Variants in CRAT observed in about 807,000 individuals in gnomAD.
The protein encoded by CRAT is carnitine acetylase.
A neutral mutation model predicts 73.7 loss-of-function variants in CRAT; 66 were observed. The observed-to-expected ratio is 0.90, with a 90% CI of 0.73 to 1.10. The LOEUF (loss-of-function observed/expected upper bound fraction) is 1.10. Among genes scored for constraint, CRAT ranks in the 50% least tolerant of loss-of-function variants. CRAT has a pLI of 0.00. For missense variants in CRAT, 745 were observed against 846.9 expected (o/e 0.88, Z 1.49); for synonymous variants, 321 against 343.2 (o/e 0.94, Z 0.71).
Position 129,099,956 on chromosome 9 carries a change from G to A in CRAT, c.995C>T (p.Ala332Val), listed in dbSNP as rs1439483761. Residue 332 changes from alanine (A) to valine (V), a missense_variant, in exon 8 of 14, where the codon GCA (alanine) becomes GTA (valine). Transcript: ENST00000318080. ...WFDKTLQFIV[A>V]EDGSCGLVYE... is the part of the protein sequence containing the mutation. ...CACAAGCCCACAGGAGCCATCTTCT[G>A]CCACGATGAACTGTGGAAGGGAAGG... 5 of 1,613,106 alleles carry A rather than the reference G, an allele frequency of 3.1e-6. No individual in the cohort carries two copies. The Admixed American group carries it at 5.0e-5, about 16-fold the overall frequency.
chr9:129,100,149 C>A (rs1025972857), intron 7 of CRAT, 183 bp from the exon 8 acceptor site: 11 of 591,012 alleles, frequency 1.9e-5, no homozygotes, highest in Non-Finnish European at 6.0e-6. Context: ...GCACATCCCA[C>A]GCTCAGCGTG....
chr9:129,100,656 T>C lies in CRAT; in HGVS notation c.839A>G (p.Gln280Arg), dbSNP rs529148554. 6.2e-7 allele frequency: 1 copy of C among 1,613,972 alleles called. No homozygotes were observed. Among genetic ancestry groups the C allele is most frequent in the East Asian group, 2.2e-5 (1 of 44,880 alleles). The change falls in exon 7 of 14, where the codon CAG becomes CGG. Residue 280 changes from glutamine to arginine, a missense_variant. Gln to Arg is a conservative substitution (Grantham distance 43). Transcript: ENST00000318080. Reference sequence around the variant, plus strand: ...TAGGCACACGGTGAAGATGCTCTTCTGGATGGAGCGCACGGAATCCCGGTT... The same window carrying C: ...TAGGCACACGGTGAAGATGCTCTTCCGGATGGAGCGCACGGAATCCCGGTT... Reference protein sequence around the residue: ...KVNRDSVRSIQKSIFTVCLDA... With the variant: ...KVNRDSVRSIRKSIFTVCLDA...
rs1309848378 is a variant in CRAT, at chr9:129,100,622, G to C, written c.873C>G (p.Thr291=). The change falls in exon 7 of 14, where the codon ACC becomes ACG. Residue 291 remains threonine, a synonymous_variant. Coordinates refer to ENST00000318080, the MANE Select transcript of CRAT (RefSeq NM_000755.5). ...KSIFTVCLDA[T]MPRVSEDVYR... is the part of the protein sequence containing the mutation. ...ACACGTCTTCTGAGACCCTGGGCAT[G>C]GTTGCATCTAGGCACACGGTGAAGA... is the stretch of plus-strand genomic sequence containing the variant. The C allele has an allele frequency of 6.2e-7, 1 of 1,614,092 alleles. No individual in the cohort carries two copies. The highest frequency in any genetic ancestry group is 8.5e-7 in the Non-Finnish European group (1 of 1,179,992).
At position 129,095,403 on chromosome 9, in the gene CRAT, C is replaced by G. The variant is rs748123046; in HGVS notation, c.1875G>C (p.Lys625Asn). The part of the protein sequence containing the change: ...RALLQSHPRA[K>N]L ...AGGCCTGAGTCCTAGGGGCTCAGAG[C>G]TTGGCCCGGGGGTGGCTCTGCAGCA... Residue 625 changes from lysine (K) to asparagine (N), a missense_variant, in exon 14 of 14, where the codon AAG becomes AAC. Transcript: ENST00000318080. 2 of 1,610,520 alleles carry G rather than the reference C, an allele frequency of 1.2e-6. No homozygotes were observed. The highest frequency in any genetic ancestry group is 1.7e-5 in the Admixed American group (1 of 59,990).
chr9:129,108,195 G>A, intron 1 of CRAT, 118 bp from the exon 2 acceptor site: 1 of 1,338,604 alleles, frequency 7.5e-7, no homozygotes. Context: ...GGCCTCTTGG[G>A]TGGGGCTGGC....
chr9:129,101,827 C>T, intron 6 of CRAT, 56 bp downstream of exon 6: 1 of 1,581,186 alleles, frequency 6.3e-7, no homozygotes. Context: ...TGAGGCTGGT[C>T]CCCAACAGGG....
In CRAT at chr9:129,098,273, A is replaced by G; in HGVS notation, c.1304T>C (p.Met435Thr). The G allele has an allele frequency of 1.2e-6, 2 of 1,613,978 alleles. No individual in the cohort carries two copies. The highest frequency in any genetic ancestry group is 1.7e-6 in the Non-Finnish European group (2 of 1,180,024). Residue 435 changes from methionine (M) to threonine (T), a missense_variant, in exon 10 of 14, where the codon ATG (methionine) becomes ACG (threonine). By Grantham distance (81) the Met-to-Thr change is moderately conservative (BLOSUM62 -1). Coordinates refer to ENST00000318080, the MANE Select transcript of CRAT (RefSeq NM_000755.5). ...CCTGTAGTAGGCCAGCTGCAAAGCC[A>G]TCTGGATGAAGGCATCTGGGCTTAG... The part of the protein sequence containing the change: ...EKLSPDAFIQ[M>T]ALQLAYYRIY...
rs368543684 is a variant in CRAT at position 129,107,987 on chromosome 9, C to T, written c.118G>A (p.Val40Met). Residue 40 changes from valine (V) to methionine (M), a missense_variant, in exon 2 of 14, where the codon GTG becomes ATG. Val to Met is a conservative substitution (Grantham distance 21). Coordinates refer to ENST00000318080, the MANE Select transcript of CRAT (RefSeq NM_000755.5). This position sits in a 1 kb window ranked among gnomAD's most constrained non-coding sequence, Gnocchi z 5.0. ...TCCAGGGACTGCTGGAGAGGGGGCA[C>T]GGGCAGCCGTGGCAGTGCATCCTGG... Reference protein sequence around the residue: ...AHQDALPRLPVPPLQQSLDHY... With the variant: ...AHQDALPRLPMPPLQQSLDHY... The T allele has an allele frequency of 3.7e-5, 59 of 1,599,050 alleles. No homozygotes were observed. The highest frequency in any genetic ancestry group is 5.0e-5 in the Admixed American group (3 of 59,620).
rs1847218251 is a variant in CRAT, at chr9:129,095,474, G to A, written c.1804C>T (p.Arg602Cys). The A allele has an allele frequency of 3.7e-6, 6 of 1,613,424 alleles. No homozygotes were observed. The highest frequency in any genetic ancestry group is 2.2e-5 in the South Asian group (2 of 91,090). ...GCCTTCTCCAGGTAATGCGCCAGGC[G>A]GGCGGCGTTGGTCTCCGCGCAGCTG... ...YNSCAETNAA[R>C]LAHYLEKALL... is the part of the protein sequence containing the mutation. The change falls in exon 14 of 14, where the codon CGC becomes TGC. Residue 602 changes from arginine (R) to cysteine (C), a missense_variant. Transcript: ENST00000318080.
In CRAT at chr9:129,102,511, G is replaced by C. The variant is rs771727324; in HGVS notation, c.519C>G (p.Tyr173Ter). 1 of 1,614,162 alleles carries C rather than the reference G, an allele frequency of 6.2e-7. No homozygotes were observed. Among genetic ancestry groups the C allele is most frequent in the Non-Finnish European group, 8.5e-7 (1 of 1,180,002 alleles). Reference protein sequence around the residue: ...LGGKPLCMNQYYQILSSCRVP... With the variant: ...LGGKPLCMNQ ...CTCGGCAGGAGGACAAGATCTGATA[G>C]TACTGGTTCATGCACAGTGGCTTCC... The change falls in exon 5 of 14, where the codon TAC (tyrosine) becomes TAG (stop). Residue 173 changes from tyrosine to a stop codon, truncating the protein, a stop_gained. Transcript: ENST00000318080. LOFTEE classifies it high-confidence loss of function.
At chr9:129,099,761 C>A in intron 8 of CRAT, 105 bp downstream of exon 8, 1 of 908,344 alleles carries the variant, frequency 1.1e-6, no homozygotes, top group Non-Finnish European at 1.7e-6. Flanking sequence ...AAACAGATTC[C>A]CAGGCACAAA....
chr9:129,098,544 G>A lies in CRAT; in HGVS notation c.1192C>T (p.Gln398Ter). 6.2e-7 allele frequency: 1 copy of A among 1,608,332 alleles called. No individual in the cohort carries two copies. The highest frequency in any genetic ancestry group is 1.7e-5 in the Admixed American group (1 of 58,226). Reference sequence around the variant, plus strand: ...GCAGGCACTTACATGCTGAGGTTCTGCTTGGCCTTCTCGATGTCGCTCTTG... The same window carrying A: ...GCAGGCACTTACATGCTGAGGTTCTACTTGGCCTTCTCGATGTCGCTCTTG... ...EIKSDIEKAK[Q>*]NLSIMIQDLD... Residue 398 changes from glutamine to a stop codon, truncating the protein, a stop_gained, in exon 9 of 14, where the codon CAG becomes TAG. Coordinates refer to ENST00000318080, the MANE Select transcript of CRAT (RefSeq NM_000755.5). LOFTEE classifies it high-confidence loss of function.
chr9:129,096,235 C>T, intron 12 of CRAT, 100 bp from the exon 13 acceptor site: 4 of 1,419,684 alleles, frequency 2.8e-6, no homozygotes, highest in Non-Finnish European at 3.9e-6. Flanking sequence ...CAGGCACTGG[C>T]CACTCAAAAC....
intron 12 of CRAT, among the ~76,000 whole-genome samples, chr9:129,096,368 C>G (rs1392219206): frequency 6.6e-6 from 1 of 152,260 alleles, no homozygotes; most frequent in East Asian, 1.9e-4. Flanking sequence ...GGGCAGGGCC[C>G]TGGAGCTGGG....
Position 129,104,248 on chromosome 9 carries a change from T to A in CRAT, c.350A>T (p.Tyr117Phe), listed in dbSNP as rs138099517. The change falls in exon 3 of 14, where the codon TAC becomes TTC. Residue 117 changes from tyrosine to phenylalanine, a missense_variant. Coordinates refer to ENST00000318080, the MANE Select transcript of CRAT (RefSeq NM_000755.5). ...GGGTAGCATCACGCCTGGGCTCGAG[T>A]AGATGACCACAGGCTGGCGGTACTG... is the stretch of plus-strand genomic sequence containing the variant. ...YLQYRQPVVI[Y>F]SSPGVMLPKQ... is the part of the protein sequence containing the mutation. 354 of 1,613,298 alleles carry A rather than the reference T, an allele frequency of 2.2e-4. 3 individuals are homozygous for A. The highest frequency in any genetic ancestry group is 2.1e-3 in the South Asian group (190 of 90,960).
intron 1 of CRAT, chr9:129,108,342 C>T: frequency 8.1e-7 from 1 of 1,238,820 alleles, no homozygotes; most frequent in Middle Eastern, 3.1e-4. Context: ...TGAACGGCAC[C>T]TTTGGGGTGG....
chr9:129,102,928 C>T lies in CRAT; in HGVS notation c.464+85G>A, dbSNP rs372441672. On this transcript the variant is annotated intron_variant, in intron 4 of 13. Transcript: ENST00000318080. ...GGGCCCAGGGCCCAAGCTGGCATGC[C>T]GGGCCAGGGCTGGGGTCAGAGGTGG... 1.3e-5 allele frequency: 17 copies of T among 1,294,950 alleles called. No individual in the cohort carries two copies. In the East Asian group the frequency reaches 1.4e-4, roughly 11 times the overall value. 80.2% of individuals were successfully genotyped at this position (1,294,950 alleles called of 1,614,324 possible).
Position 129,099,931 on chromosome 9 carries a change from C to G in CRAT, c.1020G>C (p.Val340=), listed in dbSNP as rs1418356803. Residue 340 remains valine, a synonymous_variant, in exon 8 of 14, where the codon GTG becomes GTC. Coordinates refer to ENST00000318080, the MANE Select transcript of CRAT (RefSeq NM_000755.5). The part of the protein sequence containing the change: ...IVAEDGSCGL[V]YEHAAAEGPP... Reference sequence around the variant, plus strand: ...GCCCCTCCGCTGCAGCATGCTCGTACACAAGCCCACAGGAGCCATCTTCTG... The same window carrying G: ...GCCCCTCCGCTGCAGCATGCTCGTAGACAAGCCCACAGGAGCCATCTTCTG... 1.5e-4 allele frequency: 237 copies of G among 1,612,866 alleles called. No individual in the cohort carries two copies. The East Asian group carries it at 5.2e-3, about 35-fold the overall frequency.
In CRAT at chr9:129,110,782, T is replaced by A. The variant is rs1588470736; in HGVS notation, c.-273A>T. 1 of 270,246 alleles carries A rather than the reference T, an allele frequency of 3.7e-6. No individual in the cohort carries two copies. Among genetic ancestry groups the A allele is most frequent in the South Asian group, 2.5e-5 (1 of 40,188 alleles). The allele number at this position is 270,246 out of a possible 1,614,324, so 16.7% of individuals were successfully genotyped here. A position where few individuals can be genotyped will look rare whatever the true frequency, so the allele number is the denominator to read the frequency against. ...GCAACGGTGCCCGGGAGGTTGGCTG[T>A]GGGGCGGGGACGGGGCATCGATGGG... is the stretch of plus-strand genomic sequence containing the variant. On this transcript the variant is annotated 5_prime_UTR_variant, in exon 1 of 14. Coordinates refer to ENST00000318080, the MANE Select transcript of CRAT (RefSeq NM_000755.5). The surrounding 1 kb of genome is among the most constrained non-coding windows in gnomAD (Gnocchi z 5.3).
Sources: allele counts gnomAD v4.1 joint callset (sites outside exome capture counted in the v4.1 genomes callset), GRCh38; gene constraint gnomAD v4.1.1; non-coding constraint Gnocchi (gnomAD v3.1); transcripts MANE v1.5; gene names NCBI Gene and HGNC (gene_info 2026-07-23, HGNC 2026-07-21).